CEP44: variants seen among roughly 807,000 people sequenced by gnomAD.
CEP44 encodes centrosomal protein of 44 kDa.
In CEP44, 45 loss-of-function variants were observed where a neutral mutation model predicts 46.7. That is an observed-to-expected ratio of 0.96 (90% CI 0.76 to 1.24). The LOEUF (loss-of-function observed/expected upper bound fraction) is 1.24, where lower values mean the gene tolerates loss of function less well. CEP44 is among the 50% of genes most tolerant of loss of function. CEP44 has a pLI of 0.00. For synonymous variants in CEP44, 142 were observed against 146.0 expected (o/e 0.97, Z 0.20); for missense variants, 475 against 459.7 (o/e 1.03, Z -0.30).
Position 174,329,406 on chromosome 4 carries a change from A to T in CEP44, c.1087-2076A>T, listed in dbSNP as rs1348806432. ...AAGAATTTTTAGAAAAGTTGTTAGC[A>T]CTTTCCCTCTTAGTACAGTTTTAAG... On this transcript the variant is annotated intron_variant, in intron 8 of 8. Coordinates refer to the CEP44 transcript ENST00000426172. This position sits in a 1 kb window ranked among gnomAD's most constrained non-coding sequence, Gnocchi z 4.0. Among the ~76,000 whole-genome samples the T allele has an allele frequency of 6.6e-6, 1 of 152,182 alleles. No homozygotes were observed. Among genetic ancestry groups the T allele is most frequent in the African/African-American group, 2.4e-5 (1 of 41,456 alleles).
chr4:174,302,493 A>G (rs946787166), intron 4 of CEP44, among the ~76,000 whole-genome samples: 7 of 152,120 alleles, frequency 4.6e-5, no homozygotes, highest in African/African-American at 1.7e-4. Context: ...ATGTAATTAT[A>G]TTCAATAAAA....
chr4:174,292,297 T>C (rs1738324997), intron 1 of CEP44, among the ~76,000 whole-genome samples: 1 of 152,202 alleles, frequency 6.6e-6, no homozygotes, highest in Admixed American at 6.5e-5. Context: ...TTTTTCTCTG[T>C]CTTTGAATTT....
At position 174,309,635 on chromosome 4, in the gene CEP44, C is replaced by G. The variant is rs1027234938; in HGVS notation, c.679-215C>G. Reference sequence around the variant, plus strand: ...TATGAAATAGATACTGCTCTTATCTCTTTTTTTTTAATGAGGAAATGGAGG... The same window carrying G: ...TATGAAATAGATACTGCTCTTATCTGTTTTTTTTTAATGAGGAAATGGAGG... On this transcript the variant is annotated intron_variant, in intron 7 of 11. Transcript: ENST00000503780. The surrounding 1 kb of genome is among the most constrained non-coding windows in gnomAD (Gnocchi z 5.3). Among the ~76,000 whole-genome samples, 1 of 149,506 alleles carries G rather than the reference C, an allele frequency of 6.7e-6. No homozygotes were observed. The highest frequency in any genetic ancestry group is 2.5e-5 in the African/African-American group (1 of 40,764).
Position 174,318,604 on chromosome 4 carries a change from T to G in CEP44, c.*1221T>G. ...TGACTTCATTATTTGGAAGGAAAAT[T>G]AGTATTTTTTTTAATATTATATGGA... On this transcript the variant is annotated 3_prime_UTR_variant, in exon 12 of 12. Transcript: ENST00000503780. 1.3e-6 allele frequency: 1 copy of G among 746,614 alleles called. No individual in the cohort carries two copies. Among genetic ancestry groups the G allele is most frequent in the Non-Finnish European group, 1.6e-6 (1 of 613,244 alleles). The allele number at this position is 746,614 out of a possible 1,614,324, so 46.2% of individuals were successfully genotyped here.
Position 174,316,523 on chromosome 4 carries a change from A to T in CEP44, c.1087-7A>T, listed in dbSNP as rs1326054749. 6.3e-7 allele frequency: 1 copy of T among 1,584,642 alleles called. No individual in the cohort carries two copies. The highest frequency in any genetic ancestry group is 8.6e-7 in the Non-Finnish European group (1 of 1,162,492). On this transcript the variant is annotated splice_polypyrimidine_tract_variant and splice_region_variant and intron_variant, in intron 10 of 11. Transcript: ENST00000503780. ...ATCATCTAAATTTGTTGCTTTTTAA[A>T]TTAAAGGAAACAACAATCCAGAAAA...
Position 174,308,702 on chromosome 4 carries a change from T to C in CEP44, c.521T>C (p.Val174Ala), listed in dbSNP as rs757081528. Reference protein sequence around the residue: ...FMTSGKKKAVVIRHLYNEDNV... With the variant: ...FMTSGKKKAVAIRHLYNEDNV... ...TTCTCTATGCAGAAGAAAGCTGTGG[T>C]GATTCGTCACTTGTATAATGAAGAT... is the stretch of plus-strand genomic sequence containing the variant. The change falls in exon 7 of 12, where the codon GTG (valine) becomes GCG (alanine). Residue 174 changes from valine (V) to alanine (A), a missense_variant. Coordinates refer to ENST00000503780, the MANE Select transcript of CEP44 (RefSeq NM_001040157.3). 4 of 1,603,358 alleles carry C rather than the reference T, an allele frequency of 2.5e-6. No homozygotes were observed. In the East Asian group the frequency reaches 9.0e-5, roughly 36 times the overall value.
intron 3 of CEP44, among the ~76,000 whole-genome samples, chr4:174,299,790 T>G (rs1256752210): frequency 6.6e-6 from 1 of 152,220 alleles, no homozygotes; most frequent in Non-Finnish European, 1.5e-5. Context: ...GCTCCCATTT[T>G]GCAACTATGA....
chr4:174,308,772 T>A lies in CEP44; in HGVS notation c.591T>A (p.Val197=). The A allele has an allele frequency of 6.2e-7, 1 of 1,613,352 alleles. No homozygotes were observed. The highest frequency in any genetic ancestry group is 2.2e-5 in the East Asian group (1 of 44,842). ...SEDTLSPITD[V]NEAVDVSDLN... is the part of the protein sequence containing the mutation. Reference sequence around the variant, plus strand: ...ATACATTAAGTCCAATAACAGATGTTAATGAAGCAGTTGATGTGTCTGACT... The same window carrying A: ...ATACATTAAGTCCAATAACAGATGTAAATGAAGCAGTTGATGTGTCTGACT... The change falls in exon 7 of 12, where the codon GTT becomes GTA. Residue 197 remains valine (V), a synonymous_variant. Coordinates refer to ENST00000503780, the MANE Select transcript of CEP44 (RefSeq NM_001040157.3).
chr4:174,316,617 T>C, intron 11 of CEP44, 50 bp downstream of exon 11: 1 of 1,487,372 alleles, frequency 6.7e-7, no homozygotes, highest in Non-Finnish European at 9.2e-7. Context: ...TAGGGAATTG[T>C]ATTGGATTAC....
rs3215171 is a variant in CEP44 at position 174,310,103 on chromosome 4, G to GT, written c.885+56dup. The GT allele has an allele frequency of 0.016, 23,514 of 1,514,730 alleles. 807 individuals carry two copies. In the East Asian group the frequency reaches 0.2, roughly 13 times the overall value. The allele number at this position is 1,514,730 out of a possible 1,614,324, so 93.8% of individuals were successfully genotyped here. A position where few individuals can be genotyped will look rare whatever the true frequency, so the allele number is the denominator to read the frequency against. ...TATAAAATATCTCAGATATAACAAA[G>GT]TTTTTTTTTGATTGTTATATGTGTA... On this transcript the variant is annotated intron_variant, in intron 8 of 11. Coordinates refer to ENST00000503780, the MANE Select transcript of CEP44 (RefSeq NM_001040157.3). This position sits in a 1 kb window ranked among gnomAD's most constrained non-coding sequence, Gnocchi z 4.2.
At chr4:174,303,943 A>G in intron 5 of CEP44, 94 bp downstream of exon 5, 2 of 850,250 alleles carry the variant, frequency 2.4e-6, no homozygotes, top group South Asian at 2.4e-5. Flanking sequence ...ACAGCAAATT[A>G]TTTCATAGTG....
At chr4:174,293,927 T>G (rs1738527889) in intron 1 of CEP44, among the ~76,000 whole-genome samples, 1 of 152,194 alleles carries the variant, frequency 6.6e-6, no homozygotes, top group African/African-American at 2.4e-5. Flanking sequence ...GCTGTTGGTT[T>G]TTTTTGTAGG....
chr4:174,317,800 T>C lies in CEP44; in HGVS notation c.*417T>C. On this transcript the variant is annotated 3_prime_UTR_variant, in exon 12 of 12. Transcript: ENST00000503780. ...CCAGGAGGCTCTCATATATACCATC[T>C]TGGCATCTGTACTGATGAATAAGTT... 8 of 986,508 alleles carry C rather than the reference T, an allele frequency of 8.1e-6. No homozygotes were observed. Among genetic ancestry groups the C allele is most frequent in the Non-Finnish European group, 8.4e-6 (7 of 830,368 alleles). The allele number at this position is 986,508 out of a possible 1,614,324, so 61.1% of individuals were successfully genotyped here. A position where few individuals can be genotyped will look rare whatever the true frequency, so the allele number is the denominator to read the frequency against.
At chr4:174,316,667 G>A in intron 11 of CEP44, 100 bp downstream of exon 11, 1 of 1,094,728 alleles carries the variant, frequency 9.1e-7, no homozygotes, top group East Asian at 2.7e-5. Flanking sequence ...AAACCTTAAA[G>A]GTCTCTCAAT....
rs759883183 is a variant in CEP44, at chr4:174,310,892, T to A, written c.961+34T>A. The A allele has an allele frequency of 9.6e-6, 9 of 940,464 alleles. No homozygotes were observed. The highest frequency in any genetic ancestry group is 2.4e-5 in the Admixed American group (1 of 41,786). The allele number at this position is 940,464 out of a possible 1,614,324, so 58.3% of individuals were successfully genotyped here. On this transcript the variant is annotated intron_variant, in intron 9 of 11. Coordinates refer to ENST00000503780, the MANE Select transcript of CEP44 (RefSeq NM_001040157.3). This position sits in a 1 kb window ranked among gnomAD's most constrained non-coding sequence, Gnocchi z 4.2. ...GTAAATACTATGAGAATTGGTATGA[T>A]GAGTTTTCAGAAAAATGATTGTTAT...
rs1165291831 is a variant in CEP44 at position 174,289,288 on chromosome 4, C to T, written c.-148+5345C>T. ...GCCTCAGAATGACTTTGGAAGTGTTCCCTCTTCTTTTTTTTTTTTTTTTAG... is the reference window on the plus strand; with the variant it reads ...GCCTCAGAATGACTTTGGAAGTGTTTCCTCTTCTTTTTTTTTTTTTTTTAG... On this transcript the variant is annotated intron_variant, in intron 1 of 11. Coordinates refer to ENST00000503780, the MANE Select transcript of CEP44 (RefSeq NM_001040157.3). Among the ~76,000 whole-genome samples the T allele has an allele frequency of 3.8e-5, 5 of 131,960 alleles. No individual in the cohort carries two copies. The East Asian group carries it at 1.4e-3, about 36-fold the overall frequency. The allele number at this position is 131,960 out of a possible 152,430, so 86.6% of individuals were successfully genotyped here. A position where few individuals can be genotyped will look rare whatever the true frequency, so the allele number is the denominator to read the frequency against.
Position 174,329,710 on chromosome 4 carries a change from A to G in CEP44, c.1087-1772A>G, listed in dbSNP as rs767109870. On this transcript the variant is annotated intron_variant, in intron 8 of 8. Coordinates refer to the CEP44 transcript ENST00000426172. The surrounding 1 kb of genome is among the most constrained non-coding windows in gnomAD (Gnocchi z 4.0). Reference sequence around the variant, plus strand: ...GAGAAAGGATAAGACTGTTTGGATTATGTTCTTCTCTAATTTAGTTAAAAA... The same window carrying G: ...GAGAAAGGATAAGACTGTTTGGATTGTGTTCTTCTCTAATTTAGTTAAAAA... Among the ~76,000 whole-genome samples the G allele has an allele frequency of 5.0e-4, 76 of 152,072 alleles. 1 individual carries two copies. The highest frequency in any genetic ancestry group is 2.0e-3 in the Admixed American group (31 of 15,276).
At position 174,317,355 on chromosome 4, in the gene CEP44, T is replaced by TA. The variant is rs1176326142; in HGVS notation, c.1146dup (p.Leu383ThrfsTer14). The TA allele has an allele frequency of 1.4e-6, 2 of 1,409,670 alleles. No individual in the cohort carries two copies. Among genetic ancestry groups the TA allele is most frequent in the African/African-American group, 2.9e-5 (2 of 69,844 alleles). The allele number at this position is 1,409,670 out of a possible 1,614,324, so 87.3% of individuals were successfully genotyped here. ...TTCAGGTTTGAAGAAACTGCAGAGT[T>TA]ACTGAAATGTCCAAATCACTACTTG... On this transcript the variant is annotated frameshift_variant, in exon 12 of 12. Coordinates refer to ENST00000503780, the MANE Select transcript of CEP44 (RefSeq NM_001040157.3). LOFTEE classifies it high-confidence loss of function.
downstream of CEP44, among the ~76,000 whole-genome samples, chr4:174,321,303 A>G (rs558176408): frequency 6.6e-6 from 1 of 152,324 alleles, no homozygotes; most frequent in East Asian, 1.9e-4. Flanking sequence ...TTATCTAAAT[A>G]TATACAGCTT....
Sources: gnomAD v4.1 joint callset for allele counts (sites outside exome capture counted in the v4.1 genomes callset) on GRCh38, gnomAD v4.1.1 for gene constraint, Gnocchi (gnomAD v3.1) non-coding constraint, MANE v1.5 for transcripts, NCBI Gene and HGNC (gene_info 2026-07-23, HGNC 2026-07-21) for gene names.